The following CDH13 variants were observed in gnomAD, a reference collection of about 807,000 sequenced individuals.
The protein encoded by CDH13 is cadherin-13.
Under a neutral mutation model 63.8 loss-of-function variants are expected in CDH13, and 24 were observed. That is an observed-to-expected ratio of 0.38 (90% CI 0.27 to 0.53). The LOEUF is 0.53. Among genes scored for constraint, CDH13 ranks in the 20% least tolerant of loss-of-function variants. The probability of loss-of-function intolerance (pLI) is 0.85; values close to 1 mark genes in which losing one functional copy is unlikely to be tolerated. For synonymous variants in CDH13, 503 were observed against 355.3 expected, an observed-to-expected ratio of 1.42 and a Z score of -4.67; for missense variants, 1,049 against 903.1, an observed-to-expected ratio of 1.16 and a Z score of -2.07.
At chr16:82,750,624 G>A (rs2034375058) in intron 1 of CDH13, among the ~76,000 whole-genome samples, 1 of 152,172 alleles carries the variant, frequency 6.6e-6, no homozygotes, top group African/African-American at 2.4e-5. Context: ...GGAGAAGGAA[G>A]ACCTTAAATA....
At chr16:83,766,079 C>T (rs1410279796) in intron 11 of CDH13, among the ~76,000 whole-genome samples, 6 of 152,122 alleles carry the variant, frequency 3.9e-5, no homozygotes, top group Admixed American at 1.3e-4. Flanking sequence ...GATTATCCTC[C>T]CAGAATGTGG....
At chr16:83,296,631 A>G (rs1285432827) in intron 5 of CDH13, among the ~76,000 whole-genome samples, 1 of 151,788 alleles carries the variant, frequency 6.6e-6, no homozygotes, top group Non-Finnish European at 1.5e-5. Flanking sequence ...ACACAAGTAC[A>G]CACACACACA....
At chr16:82,783,672 T>C (rs1457805058) in intron 1 of CDH13, among the ~76,000 whole-genome samples, 2 of 152,228 alleles carry the variant, frequency 1.3e-5, no homozygotes, top group African/African-American at 4.8e-5. Flanking sequence ...GATTCTAATT[T>C]CAGTGAGAGG....
rs556908785 is a variant in CDH13 at position 82,990,924 on chromosome 16, T to G, written c.158-41086T>G. Among the ~76,000 whole-genome samples, 7 of 152,320 alleles carry G rather than the reference T, an allele frequency of 4.6e-5. No individual in the cohort carries two copies. In the East Asian group the frequency reaches 1.3e-3, roughly 29 times the overall value. On this transcript the variant is annotated intron_variant, in intron 2 of 13. Coordinates refer to ENST00000567109, the MANE Select transcript of CDH13 (RefSeq NM_001257.5). ...ATGTTGACTCAAGAATTAAAGGGCTTTAGTTTCATGTGCTGGCACTAATCA... is the reference window on the plus strand; with the variant it reads ...ATGTTGACTCAAGAATTAAAGGGCTGTAGTTTCATGTGCTGGCACTAATCA...
Position 83,293,274 on chromosome 16 carries a change from G to A in CDH13, c.637-51588G>A, listed in dbSNP as rs55719182. 3.9e-3 allele frequency among the ~76,000 whole-genome samples: 596 copies of A among 152,282 alleles called. 3 individuals are homozygous for A. Among genetic ancestry groups the A allele is most frequent in the Middle Eastern group, 0.01 (3 of 294 alleles). ...TTCATTAAATTATTTTTAATAGTAA[G>A]CATTTATTGAAGCTTATTACGTTAG... On this transcript the variant is annotated intron_variant, in intron 5 of 13. Transcript: ENST00000567109.
chr16:83,060,350 T>A (rs564953808), intron 3 of CDH13, among the ~76,000 whole-genome samples: 121 of 152,286 alleles, frequency 7.9e-4, no homozygotes, highest in African/African-American at 2.9e-3. Context: ...TTCTTAAAAA[T>A]CCAGCATTTT....
intron 8 of CDH13, among the ~76,000 whole-genome samples, chr16:83,666,826 C>T (rs1914001067): frequency 1.2e-5 from 1 of 85,624 alleles, no homozygotes; most frequent in South Asian, 4.1e-4. Flanking sequence ...CACACATACA[C>T]ACACACACAT....
At chr16:82,637,356 G>A (rs1908778120) in intron 1 of CDH13, among the ~76,000 whole-genome samples, 1 of 149,270 alleles carries the variant, frequency 6.7e-6, no homozygotes, top group African/African-American at 2.5e-5. Context: ...AAGATATTTA[G>A]TGAGTGCTGT....
rs562015800 is a variant in CDH13, at chr16:83,034,751, G to C, written c.366+2533G>C. 8.5e-4 allele frequency among the ~76,000 whole-genome samples: 129 copies of C among 152,220 alleles called. 1 individual carries two copies. The highest frequency in any genetic ancestry group is 3.0e-3 in the African/African-American group (125 of 41,530). ...CAGAAGATCTTCTGGGCAGGTTCTC[G>C]GGACCAACCCCACCTTGAGGGCCTG... is the stretch of plus-strand genomic sequence containing the variant. On this transcript the variant is annotated intron_variant, in intron 3 of 13. Coordinates refer to ENST00000567109, the MANE Select transcript of CDH13 (RefSeq NM_001257.5).
At chr16:83,481,448 A>G (rs1173822729) in intron 6 of CDH13, among the ~76,000 whole-genome samples, 1 of 152,092 alleles carries the variant, frequency 6.6e-6, no homozygotes, top group Admixed American at 6.6e-5. Flanking sequence ...TCCTTTCTCA[A>G]GGGGTTGGCC....
intron 2 of CDH13, among the ~76,000 whole-genome samples, chr16:82,971,209 C>T (rs951607884): frequency 2.0e-5 from 3 of 152,194 alleles, no homozygotes; most frequent in African/African-American, 7.2e-5. Context: ...TTCCATAACT[C>T]ACCAGCAGGA....
chr16:82,904,098 T>A (rs774923148), intron 2 of CDH13, among the ~76,000 whole-genome samples: 1 of 152,194 alleles, frequency 6.6e-6, no homozygotes, highest in African/African-American at 2.4e-5. Flanking sequence ...TATGATATTT[T>A]GAATGGTAAT....
intron 8 of CDH13, among the ~76,000 whole-genome samples, chr16:83,645,863 C>G (rs988484077): frequency 2.6e-5 from 4 of 152,116 alleles, no homozygotes; most frequent in Non-Finnish European, 5.9e-5. Flanking sequence ...TCAAAAAGAT[C>G]CTTCATCATA....
chr16:82,967,385 C>T (rs1908003694), intron 2 of CDH13, among the ~76,000 whole-genome samples: 2 of 152,116 alleles, frequency 1.3e-5, no homozygotes, highest in Admixed American at 1.3e-4. Flanking sequence ...ACTGACTTCC[C>T]CATTAGGGTG....
intron 8 of CDH13, among the ~76,000 whole-genome samples, chr16:83,621,914 C>A (rs1193995758): frequency 6.6e-6 from 1 of 152,154 alleles, no homozygotes; most frequent in Admixed American, 6.5e-5. Flanking sequence ...GTCCCTCCGT[C>A]ATTTCTTCTC....
intron 2 of CDH13, among the ~76,000 whole-genome samples, chr16:82,949,911 G>C (rs931813974): frequency 1.2e-4 from 19 of 152,068 alleles, no homozygotes; most frequent in African/African-American, 4.6e-4. Context: ...TTTGAAATCA[G>C]AATCTGTGTT....
At chr16:83,014,727 T>C (rs1914516295) in intron 2 of CDH13, among the ~76,000 whole-genome samples, 1 of 67,828 alleles carries the variant, frequency 1.5e-5, no homozygotes, top group Non-Finnish European at 2.8e-5. Context: ...GGAGACTCCA[T>C]CTAAAAAAAA....
At chr16:82,804,051 A>G (rs538082181) in intron 1 of CDH13, among the ~76,000 whole-genome samples, 1 of 152,182 alleles carries the variant, frequency 6.6e-6, no homozygotes, top group Admixed American at 6.5e-5. Flanking sequence ...AACATGGTAA[A>G]ACCTTGTCTC....
intron 10 of CDH13, chr16:83,710,300 A>C (rs1359674206): frequency 6.6e-6 from 1 of 152,252 alleles, no homozygotes; most frequent in Non-Finnish European, 1.5e-5. Context: ...ACCTCTGATT[A>C]AAAGCAAGAG....
Sources: gnomAD v4.1 joint callset for allele counts (sites outside exome capture counted in the v4.1 genomes callset) on GRCh38, gnomAD v4.1.1 for gene constraint, MANE v1.5 for transcripts, NCBI Gene and HGNC (gene_info 2026-07-23, HGNC 2026-07-21) for gene names.